IPO13: variants seen among roughly 807,000 people sequenced by gnomAD.
IPO13 encodes importin 13.
Under a neutral mutation model 115.5 loss-of-function variants are expected in IPO13, and 28 were observed. The ratio of observed to expected loss-of-function variants is 0.24; its 90% CI spans 0.18 to 0.33. IPO13 has a LOEUF of 0.33. IPO13 is among the 10% of genes least tolerant of loss of function. The pLI is 1.00. For synonymous variants in IPO13, 414 were observed against 478.9 expected (o/e 0.86, Z 1.77); for missense variants, 785 against 1,204.6 (o/e 0.65, Z 5.16).
At position 43,956,983 on chromosome 1, in the gene IPO13, G is replaced by A. The variant is rs753125333; in HGVS notation, c.1271+7G>A. Reference sequence around the variant, plus strand: ...AGCAGTTCCGAATTTACAGGTGATGGTAGCAGGCCAACTCCTCTAAAATGG... The same window carrying A: ...AGCAGTTCCGAATTTACAGGTGATGATAGCAGGCCAACTCCTCTAAAATGG... On this transcript the variant is annotated splice_region_variant and intron_variant, in intron 5 of 19. Transcript: ENST00000372343. This position sits in a 1 kb window ranked among gnomAD's most constrained non-coding sequence, Gnocchi z 4.7. 5.0e-6 allele frequency: 8 copies of A among 1,613,528 alleles called. No homozygotes were observed. In the African/African-American group the frequency reaches 8.0e-5, roughly 16 times the overall value.
At chr1:43,962,744 T>C (rs557681450) in intron 14 of IPO13, among the ~76,000 whole-genome samples, 1 of 152,330 alleles carries the variant, frequency 6.6e-6, no homozygotes, top group South Asian at 2.1e-4. Flanking sequence ...TGAGGCAGAA[T>C]TGGGTGCTTC....
intron 7 of IPO13, among the ~76,000 whole-genome samples, chr1:43,957,753 G>A (rs746461655): frequency 1.3e-5 from 2 of 152,218 alleles, no homozygotes; most frequent in Non-Finnish European, 2.9e-5. Context: ...CTAGTTTACC[G>A]TCAGTGAAAC....
At chr1:43,960,357 C>G in intron 12 of IPO13, 28 bp downstream of exon 12, 4 of 1,586,142 alleles carry the variant, frequency 2.5e-6, no homozygotes, top group Non-Finnish European at 3.5e-6. Context: ...CCCTCCGCTC[C>G]CATAGTGACT....
chr1:43,949,966 C>G lies in IPO13; in HGVS notation c.634C>G (p.Pro212Ala), dbSNP rs763565724. The G allele has an allele frequency of 1.9e-6, 3 of 1,610,384 alleles. No individual in the cohort carries two copies. The highest frequency in any genetic ancestry group is 2.5e-6 in the Non-Finnish European group (3 of 1,179,286). The change falls in exon 2 of 20, where the codon CCC becomes GCC. Residue 212 changes from proline to alanine, a missense_variant. Pro to Ala is a conservative substitution (Grantham distance 27). Transcript: ENST00000372343. ...FPLLEQLLQQ[P>A]SSPSCVRQKV... ...GCTGCTGGAGCAGCTGCTACAGCAG[C>G]CCAGCTCACCCAGCTGTGTGCGTCA...
At chr1:43,957,365 C>T in intron 6 of IPO13, 37 bp from the exon 7 acceptor site, 2 of 1,613,780 alleles carry the variant, frequency 1.2e-6, no homozygotes, top group East Asian at 2.2e-5. Context: ...GTCACACCCT[C>T]CTCCTCATCC....
chr1:43,960,764 A>C, intron 12 of IPO13, 112 bp from the exon 13 acceptor site: 1 of 1,384,126 alleles, frequency 7.2e-7, no homozygotes, highest in Non-Finnish European at 9.8e-7. Context: ...TTGCAGGGCC[A>C]GGCAAGGCTT....
rs556550697 is a variant in IPO13 at position 43,960,735 on chromosome 1, C to G, written c.2110-141C>G. On this transcript the variant is annotated intron_variant, in intron 12 of 19. Coordinates refer to ENST00000372343, the MANE Select transcript of IPO13 (RefSeq NM_014652.4). The stretch of plus-strand genomic sequence containing the variant: ...CCTGCCTTTCAGGGTGAGGGTCAGA[C>G]TTGCTTACCTTCCTTGGTTTGCAGG... 5.9e-5 allele frequency: 66 copies of G among 1,116,374 alleles called. No homozygotes were observed. In the East Asian group the frequency reaches 1.5e-3, roughly 26 times the overall value. 69.2% of individuals were successfully genotyped at this position (1,116,374 alleles called of 1,614,324 possible). A position where few individuals can be genotyped will look rare whatever the true frequency, so the allele number is the denominator to read the frequency against.
At chr1:43,950,186 C>G (rs1480140685) in intron 2 of IPO13, 33 bp downstream of exon 2, 1 of 1,566,396 alleles carries the variant, frequency 6.4e-7, no homozygotes, top group East Asian at 2.3e-5. Context: ...AGAAGACAAC[C>G]TCTTTGGCCA....
At chr1:43,959,807 C>A (rs1053653200) in intron 11 of IPO13, among the ~76,000 whole-genome samples, 4 of 152,192 alleles carry the variant, frequency 2.6e-5, no homozygotes, top group Admixed American at 1.3e-4. Flanking sequence ...GCTCTCTGCT[C>A]CTCCATAAGC....
In IPO13 at chr1:43,947,544, A is replaced by C. The variant is rs899621317; in HGVS notation, c.-57A>C. ...GGGTCTAGCAGGGGGCCAGCAGCCAAGGGGCTGGGGCAGGAGACAGATCAG... is the reference window on the plus strand; with the variant it reads ...GGGTCTAGCAGGGGGCCAGCAGCCACGGGGCTGGGGCAGGAGACAGATCAG... On this transcript the variant is annotated 5_prime_UTR_variant, in exon 1 of 20. Transcript: ENST00000372343. 12 of 1,040,246 alleles carry C rather than the reference A, an allele frequency of 1.2e-5. No individual in the cohort carries two copies. The African/African-American group carries it at 2.0e-4, about 17-fold the overall frequency. The allele number at this position is 1,040,246 out of a possible 1,614,324, so 64.4% of individuals were successfully genotyped here.
chr1:43,962,286 G>A (rs2085295270), intron 14 of IPO13, among the ~76,000 whole-genome samples: 1 of 152,108 alleles, frequency 6.6e-6, no homozygotes, highest in Non-Finnish European at 1.5e-5. Context: ...ATTCTCTCTC[G>A]GTTGGTCCAC....
Position 43,956,040 on chromosome 1 carries a change from C to G in IPO13, c.822-280C>G, listed in dbSNP as rs575252524. The stretch of plus-strand genomic sequence containing the variant: ...AAAAAAAAAAAAATCTTAACCCATT[C>G]CGGAATCAGCTCTCAGTCCAACTGG... On this transcript the variant is annotated intron_variant, in intron 2 of 19. Transcript: ENST00000372343. This position sits in a 1 kb window ranked among gnomAD's most constrained non-coding sequence, Gnocchi z 4.7. Among the ~76,000 whole-genome samples the G allele has an allele frequency of 1.9e-3, 282 of 151,460 alleles. 1 individual carries two copies. Among genetic ancestry groups the G allele is most frequent in the African/African-American group, 6.6e-3 (271 of 41,228 alleles).
intron 15 of IPO13, chr1:43,965,954 T>TC: frequency 6.0e-6 from 1 of 166,768 alleles, no homozygotes. Context: ...CTTCATCTCT[T>TC]CCCCCTCACC....
chr1:43,966,885 G>T lies in IPO13; in HGVS notation c.2524-45G>T, dbSNP rs2085329486. 1 of 1,609,746 alleles carries T rather than the reference G, an allele frequency of 6.2e-7. No homozygotes were observed. The highest frequency in any genetic ancestry group is 1.1e-5 in the South Asian group (1 of 90,970). On this transcript the variant is annotated intron_variant, in intron 17 of 19. Transcript: ENST00000372343. The surrounding 1 kb of genome is among the most constrained non-coding windows in gnomAD (Gnocchi z 4.1). ...GGTGTACAGGTCTTGTCCTCAGGGA[G>T]AGCTGGGAAGGAGCTGGGCTGATGG...
intron 14 of IPO13, among the ~76,000 whole-genome samples, chr1:43,963,474 CCTGTTTCT>C (rs932689635): frequency 1.3e-5 from 2 of 152,208 alleles, no homozygotes; most frequent in African/African-American, 4.8e-5. Context: ...TTCTTGTTTC[CCTGTTTCT>C]TGGCATGTCC....
chr1:43,962,930 A>G (rs2085299828), intron 14 of IPO13, among the ~76,000 whole-genome samples: 1 of 152,340 alleles, frequency 6.6e-6, no homozygotes, highest in South Asian at 2.1e-4. Flanking sequence ...CAGGCCACAG[A>G]CACTGTTAAA....
At position 43,967,759 on chromosome 1, in the gene IPO13, G is replaced by T; in HGVS notation, c.*77G>T. The T allele has an allele frequency of 7.5e-7, 1 of 1,335,620 alleles. No individual in the cohort carries two copies. The allele number at this position is 1,335,620 out of a possible 1,614,324, so 82.7% of individuals were successfully genotyped here. On this transcript the variant is annotated 3_prime_UTR_variant, in exon 20 of 20. Coordinates refer to ENST00000372343, the MANE Select transcript of IPO13 (RefSeq NM_014652.4). The surrounding 1 kb of genome is among the most constrained non-coding windows in gnomAD (Gnocchi z 6.1). ...AGAGTAAACCTGGACCCTCACTGCT[G>T]TCTCTGCCTCCTTTCTGCTGTCACC...
chr1:43,962,666 G>A (rs2085297895), intron 14 of IPO13, among the ~76,000 whole-genome samples: 1 of 152,156 alleles, frequency 6.6e-6, no homozygotes, highest in Non-Finnish European at 1.5e-5. Flanking sequence ...CCTTTACTGG[G>A]TGAACTCTCA....
chr1:43,958,435 C>T lies in IPO13; in HGVS notation c.1750-26C>T, dbSNP rs754550711. On this transcript the variant is annotated intron_variant, in intron 9 of 19. Coordinates refer to ENST00000372343, the MANE Select transcript of IPO13 (RefSeq NM_014652.4). This position sits in a 1 kb window ranked among gnomAD's most constrained non-coding sequence, Gnocchi z 6.3. ...ACCCCACAACTAGATGTGGCCAGGA[C>T]TGACCATCCATGTTCTGCCCCACAG... 3 of 1,613,682 alleles carry T rather than the reference C, an allele frequency of 1.9e-6. No homozygotes were observed. The highest frequency in any genetic ancestry group is 2.2e-5 in the East Asian group (1 of 44,884).
Sources: allele counts gnomAD v4.1 joint callset (sites outside exome capture counted in the v4.1 genomes callset), GRCh38; gene constraint gnomAD v4.1.1; non-coding constraint Gnocchi (gnomAD v3.1); transcripts MANE v1.5; gene names NCBI Gene and HGNC (gene_info 2026-07-23, HGNC 2026-07-21).